The following ARHGAP30 variants were observed in gnomAD, a reference collection of about 807,000 sequenced individuals.
ARHGAP30 encodes the protein Rho GTPase activating protein 30.
ARHGAP30 carries 23 observed loss-of-function variants against 72.0 expected under a neutral mutation model. The ratio of observed to expected loss-of-function variants is 0.32; its 90% CI spans 0.23 to 0.45. ARHGAP30 has a LOEUF of 0.45. Ranked by LOEUF, ARHGAP30 falls within the 20% of genes least tolerant of loss-of-function variation. The pLI is 1.00. For missense variants in ARHGAP30, 1,319 were observed against 1,383.4 expected (o/e 0.95, Z 0.74); for synonymous variants, 576 against 528.2 (o/e 1.09, Z -1.24).
intron 1 of ARHGAP30, among the ~76,000 whole-genome samples, chr1:161,064,846 A>AAAGAAAGG (rs1652638884): frequency 2.5e-5 from 2 of 79,946 alleles, no homozygotes; most frequent in Non-Finnish European, 5.6e-5. Flanking sequence ...AGAAAGAAAG[A>AAAGAAAGG]AAGGAAAGGA....
chr1:161,051,780 G>T, intron 9 of ARHGAP30, 65 bp from the exon 10 acceptor site: 1 of 1,472,530 alleles, frequency 6.8e-7, no homozygotes. Flanking sequence ...GACATCTCAA[G>T]AAGGCTCTGG....
rs1021440686 is a variant in ARHGAP30 at position 161,069,431 on chromosome 1, G to A, written c.97+97C>T. ...CCCCAGGCCACTGCCCCTTCCCCAGGAGCACCGGAAACTGCTTCTGCCCTT... is the reference window on the plus strand; with the variant it reads ...CCCCAGGCCACTGCCCCTTCCCCAGAAGCACCGGAAACTGCTTCTGCCCTT... On this transcript the variant is annotated intron_variant, in intron 1 of 11. Transcript: ENST00000368013. This position sits in a 1 kb window ranked among gnomAD's most constrained non-coding sequence, Gnocchi z 4.9. 1 of 1,258,264 alleles carries A rather than the reference G, an allele frequency of 7.9e-7. No homozygotes were observed. Among genetic ancestry groups the A allele is most frequent in the Admixed American group, 1.8e-5 (1 of 54,572 alleles). 77.9% of individuals were successfully genotyped at this position (1,258,264 alleles called of 1,614,324 possible).
At chr1:161,049,827 A>G (rs867089505) in intron 10 of ARHGAP30, 138 bp from the exon 11 acceptor site, 2 of 1,211,146 alleles carry the variant, frequency 1.7e-6, no homozygotes, top group South Asian at 1.6e-5. Flanking sequence ...TTTCAGACCA[A>G]TGTCCCTAGT....
At chr1:161,062,807 C>T (rs1652416664) in intron 1 of ARHGAP30, among the ~76,000 whole-genome samples, 1 of 151,838 alleles carries the variant, frequency 6.6e-6, no homozygotes, top group South Asian at 2.1e-4. Context: ...TTATAATTCG[C>T]CACAGTCTTT....
At chr1:161,057,935 T>C (rs1007515455) in intron 2 of ARHGAP30, among the ~76,000 whole-genome samples, 3 of 152,116 alleles carry the variant, frequency 2.0e-5, no homozygotes, top group African/African-American at 7.2e-5. Flanking sequence ...GCAGATCACC[T>C]GAGGTCGAGA....
At chr1:161,054,804 T>G in intron 3 of ARHGAP30, 99 bp from the exon 4 acceptor site, 1 of 999,676 alleles carries the variant, frequency 1.0e-6, no homozygotes, top group Non-Finnish European at 1.6e-6. Flanking sequence ...CAATGTGCAC[T>G]GGACTCTGTG....
At chr1:161,055,870 TAAAATAAAATAA>T (rs1557926555) in intron 3 of ARHGAP30, among the ~76,000 whole-genome samples, 27 of 53,584 alleles carry the variant, frequency 5.0e-4, no homozygotes, top group East Asian at 3.8e-3. Flanking sequence ...TAAAATAAAA[TAAAATAAAATAA>T]AAATAAATAA....
rs753639556 is a variant in ARHGAP30, at chr1:161,047,911, C to T, written c.3110G>A (p.Ser1037Asn). The change falls in exon 12 of 12, where the codon AGC becomes AAC. Residue 1037 changes from serine (S) to asparagine (N), a missense_variant. Physicochemically the swap from Ser to Asn is conservative, Grantham distance 46. This residue lies in a region of ARHGAP30 where 1,097 missense variants were observed against 1,045.2 expected (regional missense o/e 1.05). Transcript: ENST00000368013. ...CCGAGGAGAATGGGCAGAGATCATG[C>T]TACAAGGGGAGGTTCTGGGGATGAG... is the stretch of plus-strand genomic sequence containing the variant. Reference protein sequence around the residue: ...YCLIPRTSPCSMISAHSPRPL... With the variant: ...YCLIPRTSPCNMISAHSPRPL... 1.9e-5 allele frequency: 31 copies of T among 1,612,830 alleles called. No individual in the cohort carries two copies. In the East Asian group the frequency reaches 4.0e-4, roughly 21 times the overall value.
intron 3 of ARHGAP30, among the ~76,000 whole-genome samples, chr1:161,055,851 TAAAATAA>T (rs1447337638): frequency 0.026 from 544 of 21,102 alleles, 20 homozygotes; most frequent in Middle Eastern, 0.075. Context: ...ATAAATAAAA[TAAAATAA>T]ATAAAATAAA....
At chr1:161,060,264 T>C in intron 1 of ARHGAP30, 1 of 390,040 alleles carries the variant, frequency 2.6e-6, no homozygotes, top group Admixed American at 3.1e-5. Context: ...AGTGAGACCC[T>C]GTTTCAAAAA....
In ARHGAP30 at chr1:161,056,578, G is replaced by A. The variant is rs1651893429; in HGVS notation, c.201-46C>T. On this transcript the variant is annotated intron_variant, in intron 2 of 11. Transcript: ENST00000368013. The stretch of plus-strand genomic sequence containing the variant: ...CAGGAGTGGTAGGGGTTGGGGTGAT[G>A]TGGGGAGAGGTGGGTCCCTATAGAG... 5 of 1,584,794 alleles carry A rather than the reference G, an allele frequency of 3.2e-6. No individual in the cohort carries two copies. The South Asian group carries it at 3.4e-5, about 11-fold the overall frequency.
Position 161,069,803 on chromosome 1 carries a change from C to T in ARHGAP30, c.-179G>A, listed in dbSNP as rs910927527. 1.6e-4 allele frequency: 98 copies of T among 613,058 alleles called. No individual in the cohort carries two copies. In the South Asian group the frequency reaches 1.7e-3, roughly 11 times the overall value. 38.0% of individuals were successfully genotyped at this position (613,058 alleles called of 1,614,324 possible). On this transcript the variant is annotated 5_prime_UTR_variant, in exon 1 of 12. Transcript: ENST00000368013. The surrounding 1 kb of genome is among the most constrained non-coding windows in gnomAD (Gnocchi z 4.9). ...GCAGCAGCTCCTGCCCCTGGGGCCC[C>T]GGCCACACGGAAGTGGCTGTTGAAG...
chr1:161,066,644 CAAAAAAA>C (rs60662116), intron 1 of ARHGAP30, among the ~76,000 whole-genome samples: 6 of 75,080 alleles, frequency 8.0e-5, no homozygotes, highest in South Asian at 5.4e-4. Context: ...GACTGCATCT[CAAAAAAA>C]AAAAAAAAAA....
intron 3 of ARHGAP30, among the ~76,000 whole-genome samples, chr1:161,055,005 G>A (rs1651717935): frequency 6.6e-6 from 1 of 152,132 alleles, no homozygotes; most frequent in Non-Finnish European, 1.5e-5. Flanking sequence ...CACCCTGTGG[G>A]TGCCCCAGGG....
chr1:161,047,579 A>C lies in ARHGAP30; in HGVS notation c.*136T>G, dbSNP rs938450366. The C allele has an allele frequency of 1.9e-5, 18 of 945,788 alleles. No individual in the cohort carries two copies. The highest frequency in any genetic ancestry group is 3.5e-4 in the Middle Eastern group (1 of 2,824). The allele number at this position is 945,788 out of a possible 1,614,324, so 58.6% of individuals were successfully genotyped here. A position where few individuals can be genotyped will look rare whatever the true frequency, so the allele number is the denominator to read the frequency against. Reference sequence around the variant, plus strand: ...ACCAAGGCAGTGCCTCCCACAGTCAAAGAGAGAAGCTGGAGGGCCAAAGCC... The same window carrying C: ...ACCAAGGCAGTGCCTCCCACAGTCACAGAGAGAAGCTGGAGGGCCAAAGCC... On this transcript the variant is annotated 3_prime_UTR_variant, in exon 12 of 12. Coordinates refer to ENST00000368013, the MANE Select transcript of ARHGAP30 (RefSeq NM_001025598.2).
At position 161,069,827 on chromosome 1, in the gene ARHGAP30, A is replaced by C. The variant is rs367706887; in HGVS notation, c.-203T>G. On this transcript the variant is annotated 5_prime_UTR_variant, in exon 1 of 12. Coordinates refer to ENST00000368013, the MANE Select transcript of ARHGAP30 (RefSeq NM_001025598.2). This position sits in a 1 kb window ranked among gnomAD's most constrained non-coding sequence, Gnocchi z 4.9. ...CCGGCCACACGGAAGTGGCTGTTGA[A>C]GAGGAAGCTACCAGGACCCTGGCAA... 1 of 592,294 alleles carries C rather than the reference A, an allele frequency of 1.7e-6. No individual in the cohort carries two copies. Among genetic ancestry groups the C allele is most frequent in the African/African-American group, 1.9e-5 (1 of 53,780 alleles). 36.7% of individuals were successfully genotyped at this position (592,294 alleles called of 1,614,324 possible).
Position 161,049,630 on chromosome 1 carries a change from A to G in ARHGAP30, c.1480T>C (p.Leu494=). Residue 494 remains leucine, a synonymous_variant, in exon 11 of 12, where the codon TTG becomes CTG. Coordinates refer to ENST00000368013, the MANE Select transcript of ARHGAP30 (RefSeq NM_001025598.2). ...AGCGAGTCCTCCAGGGCAGGAGCCAAGTCGTCTGGGCCTGAGTCTGCCAGG... is the reference window on the plus strand; with the variant it reads ...AGCGAGTCCTCCAGGGCAGGAGCCAGGTCGTCTGGGCCTGAGTCTGCCAGG... The part of the protein sequence containing the change: ...SPLADSGPDD[L]APALEDSLSQ... 6.2e-7 allele frequency: 1 copy of G among 1,614,038 alleles called. No homozygotes were observed. The highest frequency in any genetic ancestry group is 8.5e-7 in the Non-Finnish European group (1 of 1,179,962).
intron 2 of ARHGAP30, among the ~76,000 whole-genome samples, chr1:161,056,745 G>C (rs1651904391): frequency 6.6e-6 from 1 of 152,222 alleles, no homozygotes; most frequent in African/African-American, 2.4e-5. Context: ...TACATGTACA[G>C]GTAAGTGGAT....
chr1:161,048,328 A>T lies in ARHGAP30; in HGVS notation c.2693T>A (p.Met898Lys), dbSNP rs1228194157. The change falls in exon 12 of 12, where the codon ATG (methionine) becomes AAG (lysine). Residue 898 changes from methionine (M) to lysine (K), a missense_variant. Around this residue, in one of 2 missense-constraint regions of ARHGAP30, gnomAD observed 1,097 missense variants for 1,045.2 expected, o/e 1.05. Transcript: ENST00000368013. ...VAPQPPQPEE[M>K]EPEGQPSPDG... is the part of the protein sequence containing the mutation. The stretch of plus-strand genomic sequence containing the variant: ...TGGACTGGGCTGCCCCTCAGGCTCC[A>T]TCTCCTCTGGCTGAGGTGGCTGTGG... 3 of 1,614,190 alleles carry T rather than the reference A, an allele frequency of 1.9e-6. No individual in the cohort carries two copies. Among genetic ancestry groups the T allele is most frequent in the Non-Finnish European group, 2.5e-6 (3 of 1,180,026 alleles).
Sources: gnomAD v4.1 joint callset for allele counts (sites outside exome capture counted in the v4.1 genomes callset) on GRCh38, gnomAD v4.1.1 for gene constraint, gnomAD v4.1.1 regional missense constraint, Gnocchi (gnomAD v3.1) non-coding constraint, MANE v1.5 for transcripts, NCBI Gene and HGNC (gene_info 2026-07-23, HGNC 2026-07-21) for gene names.